Variants in GRIK2 observed in about 807,000 individuals in gnomAD.
GRIK2 encodes glutamate ionotropic receptor kainate type subunit 2, also known as glutamate receptor ionotropic, kainate 2.
In GRIK2, 32 loss-of-function variants were observed where a neutral mutation model predicts 100.3. The ratio of observed to expected loss-of-function variants is 0.32; its 90% CI spans 0.24 to 0.43. The LOEUF is 0.43. Ranked by LOEUF, GRIK2 falls within the 20% of genes least tolerant of loss-of-function variation. The probability of loss-of-function intolerance (pLI) is 1.00; values close to 1 mark genes in which losing one functional copy is unlikely to be tolerated. For missense variants in GRIK2, 843 were observed against 1,114.9 expected (o/e 0.76, Z 3.47); for synonymous variants, 417 against 389.4 (o/e 1.07, Z -0.83).
chr6:101,503,733 C>T (rs938004122), intron 2 of GRIK2, among the ~76,000 whole-genome samples: 3 of 151,950 alleles, frequency 2.0e-5, no homozygotes, highest in African/African-American at 7.3e-5. Flanking sequence ...GAACAAAATT[C>T]CTCATGTTCT....
intron 2 of GRIK2, among the ~76,000 whole-genome samples, chr6:101,593,949 C>T (rs754172956): frequency 6.6e-6 from 1 of 151,722 alleles, no homozygotes; most frequent in Non-Finnish European, 1.5e-5. Flanking sequence ...TCCAGGGATG[C>T]TTACATCACA....
rs199687679 is a variant in GRIK2 at position 101,624,740 on chromosome 6, CT to C, written c.284-1631del. ...CTATTTCATTTTTCAACATGGTTTA[CT>C]TTTTTTTTGACACACAGTTTTGGTC... On this transcript the variant is annotated intron_variant, in intron 3 of 16. Transcript: ENST00000369134. 4.8e-4 allele frequency among the ~76,000 whole-genome samples: 72 copies of C among 150,908 alleles called. No homozygotes were observed. The East Asian group carries it at 0.011, about 23-fold the overall frequency.
intron 10 of GRIK2, among the ~76,000 whole-genome samples, chr6:101,843,572 CT>C (rs1218718628): frequency 1.3e-5 from 2 of 152,148 alleles, no homozygotes; most frequent in Admixed American, 6.5e-5. Flanking sequence ...CAAAAGGACA[CT>C]AGCAGAGCAG....
chr6:102,031,114 C>G (rs888349937), intron 14 of GRIK2, among the ~76,000 whole-genome samples: 3 of 142,894 alleles, frequency 2.1e-5, no homozygotes, highest in Non-Finnish European at 4.6e-5. Context: ...CACACACACA[C>G]ACACACACAC....
intron 2 of GRIK2, among the ~76,000 whole-genome samples, chr6:101,465,682 C>T (rs1008279500): frequency 1.3e-5 from 2 of 152,116 alleles, no homozygotes; most frequent in Non-Finnish European, 2.9e-5. Flanking sequence ...TTAAAAGGCC[C>T]AGGTACCACA....
intron 11 of GRIK2, among the ~76,000 whole-genome samples, chr6:101,872,466 T>C (rs1409561815): frequency 6.6e-6 from 1 of 151,830 alleles, no homozygotes; most frequent in Non-Finnish European, 1.5e-5. Flanking sequence ...ACTCACTCAC[T>C]ATCATGAGAA....
intron 2 of GRIK2, among the ~76,000 whole-genome samples, chr6:101,435,887 C>G (rs1253343349): frequency 2.0e-5 from 3 of 152,100 alleles, no homozygotes; most frequent in Admixed American, 6.6e-5. Flanking sequence ...TCTAGCTTGT[C>G]TTTACATACA....
intron 2 of GRIK2, among the ~76,000 whole-genome samples, chr6:101,587,270 C>T (rs560376831): frequency 6.6e-6 from 1 of 151,914 alleles, no homozygotes; most frequent in Non-Finnish European, 1.5e-5. Flanking sequence ...GCCCAAGAAA[C>T]AAAACTTGGG....
intron 10 of GRIK2, among the ~76,000 whole-genome samples, chr6:101,822,527 G>A (rs1782022838): frequency 6.6e-6 from 1 of 151,996 alleles, no homozygotes; most frequent in African/African-American, 2.4e-5. Flanking sequence ...CATTATGACT[G>A]GTGCTAATGC....
intron 10 of GRIK2, among the ~76,000 whole-genome samples, chr6:101,853,614 T>G (rs1264170162): frequency 6.6e-6 from 1 of 152,236 alleles, no homozygotes; most frequent in Non-Finnish European, 1.5e-5. Context: ...CAAAAACTTA[T>G]GTCCACACAA....
chr6:101,748,901 T>C lies in GRIK2; in HGVS notation c.952-50747T>C, dbSNP rs192375882. On this transcript the variant is annotated intron_variant, in intron 7 of 16. Transcript: ENST00000369134. ...ACATTGGCTTAGAAAAACTCCAACA[T>C]TTTAGCCTGACAGTAAATACTAAAT... is the stretch of plus-strand genomic sequence containing the variant. 8.4e-4 allele frequency among the ~76,000 whole-genome samples: 128 copies of C among 152,270 alleles called. 1 individual carries two copies. The highest frequency in any genetic ancestry group is 5.9e-5 in the Non-Finnish European group (4 of 68,024).
chr6:101,423,772 T>C (rs990444795), intron 2 of GRIK2, among the ~76,000 whole-genome samples: 2 of 151,868 alleles, frequency 1.3e-5, no homozygotes, highest in African/African-American at 4.8e-5. Flanking sequence ...CTTTTGATAC[T>C]AATCCCATAT....
chr6:101,850,353 T>A (rs1374791085), intron 10 of GRIK2, among the ~76,000 whole-genome samples: 2 of 151,984 alleles, frequency 1.3e-5, no homozygotes, highest in African/African-American at 4.8e-5. Context: ...TATGCTTGGG[T>A]AAATACATTG....
intron 14 of GRIK2, among the ~76,000 whole-genome samples, chr6:101,985,374 A>C (rs985198613): frequency 1.3e-5 from 2 of 151,768 alleles, no homozygotes; most frequent in Non-Finnish European, 2.9e-5. Context: ...AATATGATAA[A>C]GTTTCACCTC....
chr6:101,572,462 C>G (rs1242205464), intron 2 of GRIK2, among the ~76,000 whole-genome samples: 2 of 151,972 alleles, frequency 1.3e-5, no homozygotes, highest in African/African-American at 4.8e-5. Context: ...ATTTTAAATA[C>G]TTGTGCTAAA....
At chr6:102,039,209 TA>T (rs1305296179) in intron 15 of GRIK2, among the ~76,000 whole-genome samples, 1 of 151,440 alleles carries the variant, frequency 6.6e-6, no homozygotes, top group Non-Finnish European at 1.5e-5. Context: ...ATAAGCTATT[TA>T]ATTAAGGAAC....
At chr6:101,402,599 G>A (rs959873218) in intron 2 of GRIK2, among the ~76,000 whole-genome samples, 4 of 152,230 alleles carry the variant, frequency 2.6e-5, no homozygotes, top group South Asian at 2.1e-4. Context: ...CTGACATTGA[G>A]TCTTGGTTGT....
intron 11 of GRIK2, among the ~76,000 whole-genome samples, chr6:101,883,416 A>G (rs917585723): frequency 4.6e-5 from 7 of 152,040 alleles, no homozygotes; most frequent in African/African-American, 1.4e-4. Context: ...ACTTTGTGCC[A>G]GTCACTGTAC....
chr6:101,527,653 A>G (rs146081190), intron 2 of GRIK2, among the ~76,000 whole-genome samples: 41 of 152,196 alleles, frequency 2.7e-4, no homozygotes, highest in Middle Eastern at 3.4e-3. Context: ...AGCTGTGCAC[A>G]GTGGTTTTTC....
Sources: gnomAD v4.1 joint callset for allele counts (sites outside exome capture counted in the v4.1 genomes callset) on GRCh38, gnomAD v4.1.1 for gene constraint, MANE v1.5 for transcripts, NCBI Gene and HGNC (gene_info 2026-07-23, HGNC 2026-07-21) for gene names.